The following STON2 variants were observed in gnomAD, a reference collection of about 807,000 sequenced individuals.
The protein encoded by STON2 is stonin-2.
STON2 carries 29 observed loss-of-function variants against 65.7 expected under a neutral mutation model. The ratio of observed to expected loss-of-function variants is 0.44; its 90% confidence interval spans 0.33 to 0.60. The LOEUF (loss-of-function observed/expected upper bound fraction) is 0.60, where lower values mean the gene tolerates loss of function less well. Among genes scored for constraint, STON2 ranks in the 20% least tolerant of loss-of-function variants. The pLI is 0.03. For synonymous variants in STON2, 404 were observed against 414.2 expected, an observed-to-expected ratio of 0.98 and a Z score of 0.30; for missense variants, 1,054 against 1,118.1, an observed-to-expected ratio of 0.94 and a Z score of 0.82.
chr14:81,394,733 A>C (rs1040194364), intron 3 of STON2, among the ~76,000 whole-genome samples: 4 of 152,192 alleles, frequency 2.6e-5, no homozygotes, highest in African/African-American at 7.2e-5. Flanking sequence ...GGAAGGGGCC[A>C]TATGCCAAGG....
chr14:81,261,209 T>C lies in STON2; in HGVS notation c.*7205A>G, dbSNP rs1172746811. On this transcript the variant is annotated 3_prime_UTR_variant, in exon 8 of 8. Transcript: ENST00000614646. ...CTATACATCTGCTTTCCCACAATGC[T>C]CTGGTAGAATACCACTGGGGTTGCT... is the stretch of plus-strand genomic sequence containing the variant. 1 of 152,370 alleles carries C rather than the reference T, an allele frequency of 6.6e-6. No individual in the cohort carries two copies. The highest frequency in any genetic ancestry group is 1.9e-4 in the East Asian group (1 of 5,182). The allele number at this position is 152,370 out of a possible 1,614,324, so 9.4% of individuals were successfully genotyped here. A position where few individuals can be genotyped will look rare whatever the true frequency, so the allele number is the denominator to read the frequency against.
Position 81,261,918 on chromosome 14 carries a change from T to C in STON2, c.*6496A>G. 1 of 1,495,242 alleles carries C rather than the reference T, an allele frequency of 6.7e-7. No individual in the cohort carries two copies. Among genetic ancestry groups the C allele is most frequent in the East Asian group, 2.5e-5 (1 of 40,036 alleles). The allele number at this position is 1,495,242 out of a possible 1,614,324, so 92.6% of individuals were successfully genotyped here. On this transcript the variant is annotated 3_prime_UTR_variant, in exon 8 of 8. Coordinates refer to ENST00000614646, the MANE Select transcript of STON2 (RefSeq NM_001394390.1). Reference sequence around the variant, plus strand: ...GCAATATAGAGGATTTGGAAGGTTGTCTGTTTCTGTTGTCTGGGGAAATGA... The same window carrying C: ...GCAATATAGAGGATTTGGAAGGTTGCCTGTTTCTGTTGTCTGGGGAAATGA...
chr14:81,275,476 T>C (rs946674880), intron 6 of STON2, among the ~76,000 whole-genome samples: 1 of 152,112 alleles, frequency 6.6e-6, no homozygotes, highest in Non-Finnish European at 1.5e-5. Flanking sequence ...TCCAAGGGCT[T>C]CCGTGTCAAA....
intron 4 of STON2, among the ~76,000 whole-genome samples, chr14:81,340,967 A>G (rs1170787239): frequency 6.6e-6 from 1 of 151,948 alleles, no homozygotes; most frequent in East Asian, 1.9e-4. Flanking sequence ...CTTAATACCA[A>G]TATTAATACT....
intron 4 of STON2, among the ~76,000 whole-genome samples, chr14:81,346,612 C>T (rs11846471): frequency 0.025 from 3,864 of 152,288 alleles, 182 homozygotes; most frequent in African/African-American, 0.09. Context: ...TATCTAACAG[C>T]TGCAGCATAC....
At position 81,277,550 on chromosome 14, in the gene STON2, G is replaced by A; in HGVS notation, c.1932C>T (p.Asp644=). The change falls in exon 6 of 8, where the codon GAC becomes GAT. Residue 644 remains aspartate (D), a synonymous_variant. Transcript: ENST00000614646. ...AGACATGGTGCTGGAGAATCTGGTT[G>A]TCTCCTTTGCTCACAATGCCAGAGA... is the stretch of plus-strand genomic sequence containing the variant. ...DEFSGIVSKG[D]NQILQHHVLT... is the part of the protein sequence containing the mutation. 6.2e-7 allele frequency: 1 copy of A among 1,614,190 alleles called. No individual in the cohort carries two copies. The highest frequency in any genetic ancestry group is 8.5e-7 in the Non-Finnish European group (1 of 1,180,032).
At chr14:81,388,711 G>A (rs777793278) in intron 3 of STON2, among the ~76,000 whole-genome samples, 24 of 152,134 alleles carry the variant, frequency 1.6e-4, no homozygotes, top group Non-Finnish European at 2.8e-4. Flanking sequence ...TTTAAAAGAT[G>A]TATTCTTTTG....
chr14:81,428,209 G>A (rs1902077299), intron 1 of STON2, among the ~76,000 whole-genome samples: 2 of 152,200 alleles, frequency 1.3e-5, no homozygotes, highest in African/African-American at 4.8e-5. Flanking sequence ...TTCAAAGTCT[G>A]AAGTAGAGGG....
intron 6 of STON2, among the ~76,000 whole-genome samples, chr14:81,272,801 C>T (rs747806907): frequency 3.9e-5 from 6 of 152,168 alleles, no homozygotes; most frequent in South Asian, 2.1e-4. Context: ...CCAGATACTG[C>T]ACTAAGCCCT....
chr14:81,351,341 T>C (rs926756937), intron 4 of STON2, among the ~76,000 whole-genome samples: 22 of 152,132 alleles, frequency 1.4e-4, no homozygotes, highest in African/African-American at 5.3e-4. Flanking sequence ...AACATCACTA[T>C]TGCCCTGGAG....
chr14:81,270,110 C>T (rs1894512386), intron 7 of STON2: 1 of 900,776 alleles, frequency 1.1e-6, no homozygotes, highest in Non-Finnish European at 1.3e-6. Context: ...TTTTTTGAGA[C>T]ACAGTCTCGC....
chr14:81,358,779 TAAG>T (rs1898365352), intron 4 of STON2, among the ~76,000 whole-genome samples: 1 of 152,094 alleles, frequency 6.6e-6, no homozygotes, highest in South Asian at 2.1e-4. Flanking sequence ...TCAAAAACAG[TAAG>T]AAGAGACAAA....
At chr14:81,388,396 T>C (rs1341140920) in intron 3 of STON2, among the ~76,000 whole-genome samples, 1 of 152,232 alleles carries the variant, frequency 6.6e-6, no homozygotes, top group Non-Finnish European at 1.5e-5. Flanking sequence ...TGGAGTTGTT[T>C]TTCCTACCAG....
At chr14:81,293,666 G>T (rs146636085) in intron 5 of STON2, among the ~76,000 whole-genome samples, 55 of 152,314 alleles carry the variant, frequency 3.6e-4, no homozygotes, top group African/African-American at 1.3e-3. Flanking sequence ...AAGAGTGCTT[G>T]TGCACTGGGG....
intron 7 of STON2, chr14:81,270,149 G>A (rs1894515028): frequency 1.9e-5 from 12 of 631,358 alleles, no homozygotes; most frequent in Non-Finnish European, 2.4e-5. Flanking sequence ...GTACAGTGGT[G>A]CAATCATGGC....
chr14:81,388,532 T>C (rs1259982017), intron 3 of STON2, among the ~76,000 whole-genome samples: 1 of 152,196 alleles, frequency 6.6e-6, no homozygotes, highest in South Asian at 2.1e-4. Flanking sequence ...GTGCAGCTTC[T>C]AGCCATTTAA....
At chr14:81,347,627 A>AC (rs1205509840) in intron 4 of STON2, among the ~76,000 whole-genome samples, 4 of 149,192 alleles carry the variant, frequency 2.7e-5, no homozygotes, top group Non-Finnish European at 6.0e-5. Flanking sequence ...AAAAAAAAAA[A>AC]AAAAAAAAAA....
At chr14:81,323,891 A>G (rs1358942159) in intron 5 of STON2, among the ~76,000 whole-genome samples, 126 bp downstream of exon 5, 1 of 152,194 alleles carries the variant, frequency 6.6e-6, no homozygotes, top group Non-Finnish European at 1.5e-5. Context: ...GGGACCACCG[A>G]GAACTAACCA....
In STON2 at chr14:81,315,026, C is replaced by T. The variant is rs532903326; in HGVS notation, c.742+8991G>A. On this transcript the variant is annotated intron_variant, in intron 5 of 7. Transcript: ENST00000614646. ...TGCCTGGCCTAACACCTCCATTTTG[C>T]ATTCTTGGTTAGCTTTTCCTTCTCA... Among the ~76,000 whole-genome samples the T allele has an allele frequency of 6.6e-5, 10 of 152,226 alleles. No homozygotes were observed. In the East Asian group the frequency reaches 1.7e-3, roughly 27 times the overall value.
Sources: gnomAD v4.1 joint callset for allele counts (sites outside exome capture counted in the v4.1 genomes callset) on GRCh38, gnomAD v4.1.1 for gene constraint, MANE v1.5 for transcripts, NCBI Gene and HGNC (gene_info 2026-07-23, HGNC 2026-07-21) for gene names.